Variants in DECR1 observed in about 807,000 individuals in gnomAD.
DECR1 encodes 2,4-dienoyl-CoA reductase 1.
DECR1 carries 44 observed loss-of-function variants against 38.8 expected under a neutral mutation model. The observed-to-expected ratio is 1.13, with a 90% CI of 0.89 to 1.46. DECR1 has a LOEUF of 1.46. DECR1 is among the 40% of genes most tolerant of loss of function. The pLI is 0.00. For synonymous variants in DECR1, 148 were observed against 135.2 expected (o/e 1.09, Z -0.66); for missense variants, 428 against 405.5 (o/e 1.06, Z -0.48).
At chr8:90,031,192 A>G (rs1813484392) in intron 5 of DECR1, among the ~76,000 whole-genome samples, 1 of 152,066 alleles carries the variant, frequency 6.6e-6, no homozygotes, top group South Asian at 2.1e-4. Flanking sequence ...TCTGTAAAAT[A>G]ATGTTGATAA....
At chr8:90,014,160 G>GA (rs1165433967) in intron 1 of DECR1, among the ~76,000 whole-genome samples, 3 of 151,964 alleles carry the variant, frequency 2.0e-5, no homozygotes, top group Admixed American at 6.6e-5. Context: ...TTATATTTTT[G>GA]AAAAAAACTT....
At chr8:90,017,007 T>C in intron 1 of DECR1, 117 bp from the exon 2 acceptor site, 4 of 679,410 alleles carry the variant, frequency 5.9e-6, no homozygotes, top group Non-Finnish European at 9.9e-6. Flanking sequence ...ATGTTTGCAG[T>C]GAGTTTGTGT....
intron 6 of DECR1, among the ~76,000 whole-genome samples, chr8:90,041,848 C>T (rs1458855135): frequency 6.6e-6 from 1 of 152,046 alleles, no homozygotes; most frequent in African/African-American, 2.4e-5. Context: ...CTCTCTTTAT[C>T]TTGCTTTTTT....
intron 5 of DECR1, among the ~76,000 whole-genome samples, chr8:90,025,737 G>A (rs974692595): frequency 2.6e-5 from 4 of 151,998 alleles, no homozygotes; most frequent in African/African-American, 9.7e-5. Context: ...TGATTGCCCT[G>A]GCCAGAACTT....
chr8:90,041,043 C>T (rs982698206), intron 6 of DECR1, among the ~76,000 whole-genome samples: 13 of 152,186 alleles, frequency 8.5e-5, no homozygotes, highest in African/African-American at 3.1e-4. Flanking sequence ...CTTGAGGAAT[C>T]ACCACACTCT....
rs1220624372 is a variant in DECR1 at position 90,020,926 on chromosome 8, A to T, written c.435A>T (p.Ala145=). 4 of 1,577,760 alleles carry T rather than the reference A, an allele frequency of 2.5e-6. No individual in the cohort carries two copies. Among genetic ancestry groups the T allele is most frequent in the Non-Finnish European group, 8.6e-7 (1 of 1,167,056 alleles). The change falls in exon 5 of 10, where the codon GCA becomes GCT. Residue 145 remains alanine (A), a synonymous_variant. Coordinates refer to ENST00000220764, the MANE Select transcript of DECR1 (RefSeq NM_001359.2). ...AGHPNIVINN[A]AGNFISPTER... is the part of the protein sequence containing the mutation. ...TTTATTAGATTGTGATAAACAATGC[A>T]GCAGGGAATTTTATTTCTCCTACTG...
chr8:90,042,541 T>C, intron 6 of DECR1, 187 bp from the exon 7 acceptor site: 3 of 593,146 alleles, frequency 5.1e-6, no homozygotes, highest in South Asian at 2.0e-5. Context: ...CCATATGACA[T>C]AGAGAAAATG....
intron 1 of DECR1, among the ~76,000 whole-genome samples, chr8:90,006,758 G>A (rs1812751966): frequency 1.3e-5 from 2 of 152,208 alleles, no homozygotes; most frequent in Admixed American, 6.5e-5. Context: ...ACTGGAAGTA[G>A]GGAGACCAAA....
At chr8:90,019,327 A>G (rs1304409574) in intron 4 of DECR1, among the ~76,000 whole-genome samples, 155 bp downstream of exon 4, 1 of 152,218 alleles carries the variant, frequency 6.6e-6, no homozygotes, top group Non-Finnish European at 1.5e-5. Context: ...TCACCCAGGA[A>G]AGAATTCAAG....
chr8:90,007,651 T>A (rs1275205218), intron 1 of DECR1, among the ~76,000 whole-genome samples: 1 of 152,142 alleles, frequency 6.6e-6, no homozygotes, highest in African/African-American at 2.4e-5. Context: ...CAAAGCAAAC[T>A]TTATATTATT....
At chr8:90,025,886 G>GGC (rs1813322002) in intron 5 of DECR1, among the ~76,000 whole-genome samples, 3 of 152,122 alleles carry the variant, frequency 2.0e-5, no homozygotes, top group Non-Finnish European at 4.4e-5. Flanking sequence ...ATTATTTTGA[G>GGC]ATACGTCCCA....
intron 7 of DECR1, among the ~76,000 whole-genome samples, chr8:90,043,041 C>A (rs369951255): frequency 8.5e-5 from 13 of 152,134 alleles, no homozygotes; most frequent in South Asian, 6.2e-4. Context: ...CGTTTGGGAT[C>A]TTTTATACCA....
intron 5 of DECR1, among the ~76,000 whole-genome samples, chr8:90,029,070 G>C (rs1813427263): frequency 6.6e-6 from 1 of 151,678 alleles, no homozygotes; most frequent in South Asian, 2.1e-4. Context: ...AAGTGGTCTA[G>C]TAGAGAAAAA....
Position 90,051,736 on chromosome 8 carries a change from A to G in DECR1, c.945A>G (p.Arg315=). 3 of 1,613,442 alleles carry G rather than the reference A, an allele frequency of 1.9e-6. No homozygotes were observed. The highest frequency in any genetic ancestry group is 2.5e-6 in the Non-Finnish European group (3 of 1,179,746). The change falls in exon 9 of 10, where the codon AGA becomes AGG. Residue 315 remains arginine, a synonymous_variant. Coordinates refer to ENST00000220764, the MANE Select transcript of DECR1 (RefSeq NM_001359.2). ...VLISGEFNDL[R]KVTKEQWDTI... ...TTTCAGGGGAATTCAACGACCTGAG[A>G]AAGGTAATGCTTTTGTGTGTATAAT...
chr8:90,003,379 A>G (rs1812663908), intron 1 of DECR1, among the ~76,000 whole-genome samples: 1 of 152,222 alleles, frequency 6.6e-6, no homozygotes, highest in African/African-American at 2.4e-5. Flanking sequence ...TTTCAATTTA[A>G]TAAATATTTA....
At chr8:90,039,753 C>T (rs1158073565) in intron 6 of DECR1, among the ~76,000 whole-genome samples, 1 of 152,224 alleles carries the variant, frequency 6.6e-6, no homozygotes, top group Non-Finnish European at 1.5e-5. Flanking sequence ...GCTTACATCA[C>T]ACAATTCCCA....
intron 1 of DECR1, chr8:90,005,534 G>A (rs772066987): frequency 5.6e-5 from 24 of 430,074 alleles, no homozygotes; most frequent in Non-Finnish European, 9.8e-5. Flanking sequence ...TGGATCTCCC[G>A]AAGTAGGCGG....
chr8:90,050,639 A>T (rs1375944861), intron 8 of DECR1, among the ~76,000 whole-genome samples: 1 of 152,246 alleles, frequency 6.6e-6, no homozygotes, highest in Non-Finnish European at 1.5e-5. Flanking sequence ...GTCTAGAACT[A>T]GAAATACCAT....
chr8:90,045,319 C>T (rs1185891394), intron 8 of DECR1, among the ~76,000 whole-genome samples: 1 of 152,036 alleles, frequency 6.6e-6, no homozygotes, highest in East Asian at 1.9e-4. Flanking sequence ...AAAATCAGGA[C>T]ACTCCCACCC....
Sources: gnomAD v4.1 joint callset for allele counts (sites outside exome capture counted in the v4.1 genomes callset) on GRCh38, gnomAD v4.1.1 for gene constraint, MANE v1.5 for transcripts, NCBI Gene and HGNC (gene_info 2026-07-23, HGNC 2026-07-21) for gene names.